Variants in ZNF385D observed in about 807,000 individuals in gnomAD.
ZNF385D encodes the protein zinc finger protein 385D, also known as zinc finger protein 659.
In ZNF385D, 15 loss-of-function variants were observed where a neutral mutation model predicts 35.8. The ratio of observed to expected loss-of-function variants is 0.42; its 90% CI spans 0.28 to 0.64. The LOEUF (loss-of-function observed/expected upper bound fraction) is 0.64. ZNF385D is among the 30% of genes least tolerant of loss of function. ZNF385D has a pLI of 0.23. For synonymous variants in ZNF385D, 212 were observed against 186.8 expected (o/e 1.13, Z -1.10); for missense variants, 474 against 494.6 (o/e 0.96, Z 0.39).
chr3:22,005,402 G>T (rs1576133731), intron 3 of ZNF385D, among the ~76,000 whole-genome samples: 1 of 151,986 alleles, frequency 6.6e-6, no homozygotes, highest in Admixed American at 6.6e-5. Flanking sequence ...ACTAAAAATA[G>T]AATAAGGGAG....
At chr3:21,606,449 T>C (rs774764961) in intron 2 of ZNF385D, among the ~76,000 whole-genome samples, 20 of 152,220 alleles carry the variant, frequency 1.3e-4, no homozygotes, top group Admixed American at 5.2e-4. Flanking sequence ...TACTATACAT[T>C]TGATGTACAA....
chr3:22,208,633 A>G (rs1697312446), intron 2 of ZNF385D, among the ~76,000 whole-genome samples: 1 of 151,810 alleles, frequency 6.6e-6, no homozygotes, highest in Non-Finnish European at 1.5e-5. Context: ...TCATGTGATT[A>G]TTACACATTA....
intron 3 of ZNF385D, among the ~76,000 whole-genome samples, chr3:21,874,754 A>G (rs936536362): frequency 2.0e-5 from 3 of 151,872 alleles, no homozygotes; most frequent in African/African-American, 7.3e-5. Context: ...TATAATTTTG[A>G]TTTTCTATTT....
intron 2 of ZNF385D, among the ~76,000 whole-genome samples, chr3:22,310,896 T>C (rs1234802343): frequency 1.3e-5 from 2 of 151,930 alleles, no homozygotes; most frequent in Non-Finnish European, 2.9e-5. Context: ...TTATTTCTAC[T>C]ATTTAAATAT....
chr3:22,101,868 C>A (rs73822856), intron 3 of ZNF385D, among the ~76,000 whole-genome samples: 1 of 151,604 alleles, frequency 6.6e-6, no homozygotes, highest in East Asian at 1.9e-4. Context: ...TTTTCTGGTA[C>A]CAATGAGTAA....
chr3:21,492,640 C>T (rs1366077114), intron 4 of ZNF385D, among the ~76,000 whole-genome samples: 1 of 151,654 alleles, frequency 6.6e-6, no homozygotes, highest in East Asian at 1.9e-4. Flanking sequence ...AAAAATTCGC[C>T]AGGTGTGATG....
At chr3:21,700,986 A>G (rs1485649231) in intron 1 of ZNF385D, among the ~76,000 whole-genome samples, 3 of 152,190 alleles carry the variant, frequency 2.0e-5, no homozygotes, top group Non-Finnish European at 4.4e-5. Context: ...GCTGTCCTGC[A>G]TGGACAGCAT....
At chr3:22,104,132 A>T (rs1014366249) in intron 3 of ZNF385D, among the ~76,000 whole-genome samples, 1 of 152,222 alleles carries the variant, frequency 6.6e-6, no homozygotes, top group African/African-American at 2.4e-5. Flanking sequence ...AGTTGGAGAC[A>T]AATTGGTCCA....
At chr3:22,016,590 G>A (rs1696901438) in intron 3 of ZNF385D, among the ~76,000 whole-genome samples, 1 of 152,004 alleles carries the variant, frequency 6.6e-6, no homozygotes, top group African/African-American at 2.4e-5. Flanking sequence ...GTGATTCTCT[G>A]AATCACATCT....
chr3:22,229,980 C>T (rs1395419610), intron 2 of ZNF385D, among the ~76,000 whole-genome samples: 7 of 152,180 alleles, frequency 4.6e-5, no homozygotes, highest in African/African-American at 1.7e-4. Context: ...CTTACACCTT[C>T]TCTGCAGAAA....
intron 3 of ZNF385D, among the ~76,000 whole-genome samples, chr3:22,036,008 A>T (rs1264489512): frequency 6.6e-6 from 1 of 152,158 alleles, no homozygotes; most frequent in African/African-American, 2.4e-5. Flanking sequence ...AATAAGACTT[A>T]TGTGTTTTTC....
intron 3 of ZNF385D, among the ~76,000 whole-genome samples, chr3:21,844,998 G>A (rs1396124340): frequency 6.6e-6 from 1 of 150,866 alleles, no homozygotes; most frequent in Non-Finnish European, 1.5e-5. Flanking sequence ...AATCATGAAC[G>A]AAGGCAAACA....
In ZNF385D at chr3:21,612,189, A is replaced by G. The variant is rs549651893; in HGVS notation, c.166-47505T>C. Among the ~76,000 whole-genome samples, 35 of 152,190 alleles carry G rather than the reference A, an allele frequency of 2.3e-4. No individual in the cohort carries two copies. In the South Asian group the frequency reaches 6.2e-3, roughly 27 times the overall value. ...CGCCTCCCAGGTCCTGGTTCAAGCA[A>G]TTCTCCTGCCTCAGCCTCCCAAGTA... On this transcript the variant is annotated intron_variant, in intron 2 of 7. Coordinates refer to ENST00000281523, the MANE Select transcript of ZNF385D (RefSeq NM_024697.3).
At chr3:22,135,577 G>A (rs932902243) in intron 3 of ZNF385D, among the ~76,000 whole-genome samples, 1 of 152,068 alleles carries the variant, frequency 6.6e-6, no homozygotes, top group African/African-American at 2.4e-5. Context: ...TGGGTTTAAT[G>A]CATTCTTATC....
At chr3:22,366,372 T>C (rs554487754) in intron 2 of ZNF385D, among the ~76,000 whole-genome samples, 1 of 152,256 alleles carries the variant, frequency 6.6e-6, no homozygotes, top group African/African-American at 2.4e-5. Context: ...TTCCCAGCAC[T>C]AGCACTCTCC....
intron 3 of ZNF385D, among the ~76,000 whole-genome samples, chr3:22,122,289 A>C (rs1035946128): frequency 3.3e-5 from 5 of 152,144 alleles, no homozygotes; most frequent in Non-Finnish European, 4.4e-5. Context: ...CATTCGGCTG[A>C]AGTCATCAAA....
intron 2 of ZNF385D, among the ~76,000 whole-genome samples, chr3:21,660,343 C>G (rs1230967959): frequency 1.3e-5 from 2 of 152,106 alleles, no homozygotes. Flanking sequence ...CTCACTCTTC[C>G]TTGTGCATAT....
At position 22,177,864 on chromosome 3, in the gene ZNF385D, G is replaced by A. The variant is rs539572309; in HGVS notation, c.107-8829C>T. ...TTTTTTGTCCTTGTGATAGTTTGCT[G>A]AGAATGATGGTTTCCAGCTTCATCC... On this transcript the variant is annotated intron_variant, in intron 2 of 5. Transcript: ENST00000494108. Among the ~76,000 whole-genome samples the A allele has an allele frequency of 2.0e-5, 3 of 152,254 alleles. No individual in the cohort carries two copies. The South Asian group carries it at 6.2e-4, about 32-fold the overall frequency.
At chr3:21,434,314 C>T (rs957956634) in intron 5 of ZNF385D, among the ~76,000 whole-genome samples, 1 of 152,122 alleles carries the variant, frequency 6.6e-6, no homozygotes, top group African/African-American at 2.4e-5. Flanking sequence ...GCCCTCAAAT[C>T]CTTGTCTCCA....
Sources: gnomAD v4.1 joint callset for allele counts (sites outside exome capture counted in the v4.1 genomes callset) on GRCh38, gnomAD v4.1.1 for gene constraint, MANE v1.5 for transcripts, NCBI Gene and HGNC (gene_info 2026-07-23, HGNC 2026-07-21) for gene names.